Variants in P4HB observed in about 807,000 individuals in gnomAD.
P4HB encodes prolyl 4-hydroxylase subunit beta.
A neutral mutation model predicts 52.6 loss-of-function variants in P4HB; 20 were observed. That is an observed-to-expected ratio of 0.38 (90% CI 0.27 to 0.55). The LOEUF (loss-of-function observed/expected upper bound fraction) is 0.55, where lower values mean the gene tolerates loss of function less well. Among genes scored for constraint, P4HB ranks in the 20% least tolerant of loss-of-function variants. The pLI, the probability that P4HB is intolerant of heterozygous loss-of-function variation, is 0.74. For synonymous variants in P4HB, 296 were observed against 277.9 expected, an observed-to-expected ratio of 1.07 and a Z score of -0.65; for missense variants, 601 against 669.2, an observed-to-expected ratio of 0.90 and a Z score of 1.12.
rs1010954 is a variant in P4HB at position 81,859,129 on chromosome 17, G to A, written c.352+52C>T. 0.19 allele frequency: 287,983 copies of A among 1,550,584 alleles called. 27,736 individuals carry two copies. The highest frequency in any genetic ancestry group is 0.22 in the Admixed American group (12,909 of 59,842). ...ACAGCTGCCCCTGCCCTTCCAAGTCGGCAGGCCAGTCCCTCTCTAAAGACA... is the reference window on the plus strand; with the variant it reads ...ACAGCTGCCCCTGCCCTTCCAAGTCAGCAGGCCAGTCCCTCTCTAAAGACA... On this transcript the variant is annotated intron_variant, in intron 2 of 10. Coordinates refer to ENST00000331483, the MANE Select transcript of P4HB (RefSeq NM_000918.4).
intron 4 of P4HB, among the ~76,000 whole-genome samples, chr17:81,852,188 CAAT>C (rs2038842765): frequency 6.6e-6 from 1 of 152,192 alleles, no homozygotes; most frequent in Non-Finnish European, 1.5e-5. Context: ...TCTCAAACAA[CAAT>C]AACAGGCCCA....
chr17:81,851,934 A>G lies in P4HB; in HGVS notation c.624+3208T>C, dbSNP rs146491670. 1.4e-3 allele frequency among the ~76,000 whole-genome samples: 219 copies of G among 152,296 alleles called. 1 individual carries two copies. Among genetic ancestry groups the G allele is most frequent in the South Asian group, 3.5e-3 (17 of 4,826 alleles). On this transcript the variant is annotated intron_variant, in intron 4 of 10. Coordinates refer to ENST00000331483, the MANE Select transcript of P4HB (RefSeq NM_000918.4). ...GGTATGGCTCACGCCTGTAACCCCAATGTTTTGGCAGGCTGAGGCAGGAGG... is the reference window on the plus strand; with the variant it reads ...GGTATGGCTCACGCCTGTAACCCCAGTGTTTTGGCAGGCTGAGGCAGGAGG...
At chr17:81,860,170 A>G in intron 1 of P4HB, 157 bp downstream of exon 1, 1 of 554,726 alleles carries the variant, frequency 1.8e-6, no homozygotes, top group South Asian at 4.5e-5. Context: ...ACCCCCAGGG[A>G]GCCCCTGACA....
At position 81,855,092 on chromosome 17, in the gene P4HB, G is replaced by A. The variant is rs2038892645; in HGVS notation, c.624+50C>T. ...GATAAGGAGAGCAACGCCACCCTCTGCAGACCAACCCCAGAACTAACCTGG... is the reference window on the plus strand; with the variant it reads ...GATAAGGAGAGCAACGCCACCCTCTACAGACCAACCCCAGAACTAACCTGG... On this transcript the variant is annotated intron_variant, in intron 4 of 10. Transcript: ENST00000331483. The surrounding 1 kb of genome is among the most constrained non-coding windows in gnomAD (Gnocchi z 4.3). The A allele has an allele frequency of 1.9e-6, 3 of 1,599,026 alleles. No homozygotes were observed. Among genetic ancestry groups the A allele is most frequent in the Non-Finnish European group, 2.6e-6 (3 of 1,167,150 alleles).
intron 4 of P4HB, among the ~76,000 whole-genome samples, chr17:81,854,255 G>A (rs532211254): frequency 1.3e-5 from 2 of 152,300 alleles, no homozygotes; most frequent in South Asian, 2.1e-4. Flanking sequence ...TAGTTAAAAC[G>A]TGGCCGGGCG....
Position 81,857,021 on chromosome 17 carries a change from A to G in P4HB, c.353-1435T>C, listed in dbSNP as rs1016101750. Among the ~76,000 whole-genome samples the G allele has an allele frequency of 2.6e-5, 4 of 151,786 alleles. No homozygotes were observed. The East Asian group carries it at 7.7e-4, about 29-fold the overall frequency. ...TGGTCTCAAACTCCTGGGATTAAGC[A>G]GTCCGCCCACCTCGGCCTTCCAAAG... On this transcript the variant is annotated intron_variant, in intron 2 of 10. Transcript: ENST00000331483.
chr17:81,847,092 T>A lies in P4HB; in HGVS notation c.730-20A>T, dbSNP rs758782554. On this transcript the variant is annotated intron_variant, in intron 5 of 10. Transcript: ENST00000331483. ...GGCTGTCTGTGTTATAAACTTAAGT[T>A]ACTGGGTCTGAGTCACACACTATTA... 20 of 1,613,726 alleles carry A rather than the reference T, an allele frequency of 1.2e-5. No individual in the cohort carries two copies. The East Asian group carries it at 4.5e-4, about 36-fold the overall frequency.
rs1419297658 is a variant in P4HB at position 81,844,109 on chromosome 17, G to A, written c.1447-17C>T. The A allele has an allele frequency of 2.5e-6, 4 of 1,571,730 alleles. No homozygotes were observed. Among genetic ancestry groups the A allele is most frequent in the Non-Finnish European group, 3.5e-6 (4 of 1,142,048 alleles). Reference sequence around the variant, plus strand: ...CTCGAGATCCTGGGATACAGGAAAAGGGGCGGGGCGGGCAGGTTGGCTGCA... The same window carrying A: ...CTCGAGATCCTGGGATACAGGAAAAAGGGCGGGGCGGGCAGGTTGGCTGCA... On this transcript the variant is annotated splice_polypyrimidine_tract_variant and intron_variant, in intron 10 of 10. Coordinates refer to ENST00000331483, the MANE Select transcript of P4HB (RefSeq NM_000918.4).
chr17:81,860,521 G>A lies in P4HB; in HGVS notation c.-50C>T, dbSNP rs758171196. On this transcript the variant is annotated 5_prime_UTR_variant, in exon 1 of 11. Transcript: ENST00000331483. ...CTTCGGTTGGCGCCGCCGGGACAGC[G>A]GGGGCGACGAGAGCGCGCGCCGGTC... The A allele has an allele frequency of 8.9e-6, 11 of 1,232,318 alleles. No individual in the cohort carries two copies. In the South Asian group the frequency reaches 1.8e-4, roughly 21 times the overall value. The allele number at this position is 1,232,318 out of a possible 1,614,324, so 76.3% of individuals were successfully genotyped here.
At chr17:81,844,880 G>A (rs187718366) in intron 10 of P4HB, among the ~76,000 whole-genome samples, 6 of 152,270 alleles carry the variant, frequency 3.9e-5, no homozygotes, top group East Asian at 1.9e-4. Context: ...TGTCTGAAAA[G>A]GTTTTCTAAG....
chr17:81,853,456 C>T (rs1598268813), intron 4 of P4HB, among the ~76,000 whole-genome samples: 1 of 152,146 alleles, frequency 6.6e-6, no homozygotes, highest in East Asian at 1.9e-4. Context: ...GCCCTGTAGT[C>T]CCAGCTACTC....
chr17:81,859,243 C>T lies in P4HB; in HGVS notation c.290G>A (p.Arg97His), dbSNP rs756303311. 2.6e-5 allele frequency: 42 copies of T among 1,613,916 alleles called. 1 individual carries two copies. The South Asian group carries it at 3.7e-4, about 14-fold the overall frequency. Residue 97 changes from arginine to histidine, a missense_variant, in exon 2 of 11, where the codon CGC (arginine) becomes CAC (histidine). Physicochemically the swap from Arg to His is conservative, Grantham distance 29. Transcript: ENST00000331483. ...ESDLAQQYGV[R>H]GYPTIKFFRN... is the part of the protein sequence containing the mutation. ...GAAGAACTTGATGGTGGGATAGCCG[C>T]GCACGCCGTACTGCTGGGCCAGGTC...
At chr17:81,858,667 C>T (rs1172366125) in intron 2 of P4HB, 1 of 161,094 alleles carries the variant, frequency 6.2e-6, no homozygotes, top group African/African-American at 2.4e-5. Context: ...GATTCGAGGT[C>T]TGCTACCGAC....
rs2038892293 is a variant in P4HB at position 81,855,061 on chromosome 17, C to T, written c.624+81G>A. 1 of 1,423,752 alleles carries T rather than the reference C, an allele frequency of 7.0e-7. No homozygotes were observed. The allele number at this position is 1,423,752 out of a possible 1,614,324, so 88.2% of individuals were successfully genotyped here. ...CCAAAGGTGCCAGGAGCAAGGTTCC[C>T]TTAACGATAAGGAGAGCAACGCCAC... On this transcript the variant is annotated intron_variant, in intron 4 of 10. Transcript: ENST00000331483. This position sits in a 1 kb window ranked among gnomAD's most constrained non-coding sequence, Gnocchi z 4.3.
In P4HB at chr17:81,855,868, T is replaced by G; in HGVS notation, c.353-282A>C. On this transcript the variant is annotated intron_variant, in intron 2 of 10. Transcript: ENST00000331483. The surrounding 1 kb of genome is among the most constrained non-coding windows in gnomAD (Gnocchi z 4.3). The stretch of plus-strand genomic sequence containing the variant: ...ACCCATTTTTTTTCTCTGATCTCTC[T>G]GCATTTTCTTTTTTCTTTTGACACA... 2.6e-6 allele frequency: 1 copy of G among 379,866 alleles called. No individual in the cohort carries two copies. The highest frequency in any genetic ancestry group is 4.4e-5 in the East Asian group (1 of 22,922). 23.5% of individuals were successfully genotyped at this position (379,866 alleles called of 1,614,324 possible).
intron 1 of P4HB, 97 bp downstream of exon 1, chr17:81,860,230 G>A (rs983791881): frequency 1.9e-6 from 2 of 1,050,342 alleles, no homozygotes; most frequent in Non-Finnish European, 1.2e-6. Flanking sequence ...GGGCGCGCCG[G>A]GGGTCCCGAC....
Position 81,846,008 on chromosome 17 carries a change from G to T in P4HB, c.1057-17C>A. The T allele has an allele frequency of 1.9e-6, 3 of 1,598,274 alleles. No individual in the cohort carries two copies. The Admixed American group carries it at 5.2e-5, about 28-fold the overall frequency. Reference sequence around the variant, plus strand: ...CAGGTGGGGCTGGAGGGCAGGCAGGGCACGGTGAGGGGCGGCGATGCCTGG... The same window carrying T: ...CAGGTGGGGCTGGAGGGCAGGCAGGTCACGGTGAGGGGCGGCGATGCCTGG... On this transcript the variant is annotated splice_polypyrimidine_tract_variant and intron_variant, in intron 7 of 10. Transcript: ENST00000331483. The surrounding 1 kb of genome is among the most constrained non-coding windows in gnomAD (Gnocchi z 5.7).
chr17:81,845,692 G>A lies in P4HB; in HGVS notation c.1228C>T (p.Leu410=), dbSNP rs1465106760. The change falls in exon 9 of 11, where the codon CTG becomes TTG. Residue 410 remains leucine (L), a synonymous_variant. Coordinates refer to ENST00000331483, the MANE Select transcript of P4HB (RefSeq NM_000918.4). The part of the protein sequence containing the change: ...CKQLAPIWDK[L]GETYKDHENI... ...TCATGGTCCTTGTACGTCTCTCCCA[G>A]TTTATCCCAAATGGGAGCCAACTGT... 6.2e-6 allele frequency: 10 copies of A among 1,613,844 alleles called. No homozygotes were observed. The highest frequency in any genetic ancestry group is 1.7e-4 in the Middle Eastern group (1 of 6,060).
rs1280006439 is a variant in P4HB, at chr17:81,843,497, C to T, written c.*515G>A. 2 of 400,188 alleles carry T rather than the reference C, an allele frequency of 5.0e-6. No homozygotes were observed. Among genetic ancestry groups the T allele is most frequent in the Non-Finnish European group, 8.8e-6 (2 of 227,248 alleles). The allele number at this position is 400,188 out of a possible 1,614,324, so 24.8% of individuals were successfully genotyped here. On this transcript the variant is annotated 3_prime_UTR_variant, in exon 11 of 11. Transcript: ENST00000331483. The stretch of plus-strand genomic sequence containing the variant: ...GGAAGTCTCCATTTACCCAAAAATG[C>T]AAGAGCCATGATCAGTCATGGCGAC...
Sources: allele counts gnomAD v4.1 joint callset (sites outside exome capture counted in the v4.1 genomes callset), GRCh38; gene constraint gnomAD v4.1.1; non-coding constraint Gnocchi (gnomAD v3.1); transcripts MANE v1.5; gene names NCBI Gene and HGNC (gene_info 2026-07-23, HGNC 2026-07-21).